The following SUPT4H1 variants were observed in gnomAD, a reference collection of about 807,000 sequenced individuals.
The protein encoded by SUPT4H1 is transcription elongation factor SPT4.
Under a neutral mutation model 19.4 loss-of-function variants are expected in SUPT4H1, and 12 were observed. The ratio of observed to expected loss-of-function variants is 0.62; its 90% CI spans 0.40 to 1.00. The LOEUF is 1.00. Among genes scored for constraint, SUPT4H1 ranks in the 50% least tolerant of loss-of-function variants. The pLI, the probability that SUPT4H1 is intolerant of heterozygous loss-of-function variation, is 0.00. For missense variants in SUPT4H1, 115 were observed against 149.2 expected (o/e 0.77, Z 1.19); for synonymous variants, 58 against 56.3 (o/e 1.03, Z -0.14).
Position 58,350,773 on chromosome 17 carries a change from T to C in SUPT4H1, c.176+629A>G, listed in dbSNP as rs931521894. Among the ~76,000 whole-genome samples the C allele has an allele frequency of 2.7e-5, 4 of 146,310 alleles. No homozygotes were observed. In the Admixed American group the frequency reaches 2.8e-4, roughly 10 times the overall value. ...ATTGCTTGAACCCAGGAGGCAGAGG[T>C]TGCAGTGAGCCGAGACTGCACCATT... On this transcript the variant is annotated intron_variant, in intron 2 of 4. Transcript: ENST00000225504.
At chr17:58,350,956 A>G (rs918750145) in intron 2 of SUPT4H1, among the ~76,000 whole-genome samples, 2 of 151,892 alleles carry the variant, frequency 1.3e-5, no homozygotes, top group African/African-American at 4.8e-5. Flanking sequence ...TTAAGATTAC[A>G]TTCTTTCTTC....
At chr17:58,352,007 C>A (rs963909501) in intron 1 of SUPT4H1, 60 bp downstream of exon 1, 8 of 1,571,094 alleles carry the variant, frequency 5.1e-6, no homozygotes, top group Admixed American at 1.7e-5. Flanking sequence ...AGCCCCATTC[C>A]GCCCTCTTTC....
intron 2 of SUPT4H1, among the ~76,000 whole-genome samples, chr17:58,350,283 G>A (rs1398576479): frequency 2.0e-5 from 3 of 151,944 alleles, no homozygotes; most frequent in African/African-American, 7.3e-5. Flanking sequence ...GGAGGCCGAG[G>A]CGGGTGGATC....
At position 58,345,183 on chromosome 17, in the gene SUPT4H1, C is replaced by CA. The variant is rs1456378513; in HGVS notation, c.*1062dup. 1.3e-5 allele frequency: 2 copies of CA among 152,148 alleles called. No homozygotes were observed. Among genetic ancestry groups the CA allele is most frequent in the Non-Finnish European group, 2.9e-5 (2 of 68,036 alleles). 9.4% of individuals were successfully genotyped at this position (152,148 alleles called of 1,614,324 possible). The stretch of plus-strand genomic sequence containing the variant: ...TTGAAAAATGGCCCAAAAAGGAGAG[C>CA]AAAAGTATTTCACCTTTATAATACT... On this transcript the variant is annotated 3_prime_UTR_variant, in exon 5 of 5. Transcript: ENST00000225504.
chr17:58,346,089 A>G lies in SUPT4H1; in HGVS notation c.*157T>C. On this transcript the variant is annotated 3_prime_UTR_variant, in exon 5 of 5. Coordinates refer to ENST00000225504, the MANE Select transcript of SUPT4H1 (RefSeq NM_003168.3). ...TCCCACCCCACCTGTAGTCCAAAGAAGATAAAATGATAAAATGATGTGCTG... is the reference window on the plus strand; with the variant it reads ...TCCCACCCCACCTGTAGTCCAAAGAGGATAAAATGATAAAATGATGTGCTG... 1 of 626,690 alleles carries G rather than the reference A, an allele frequency of 1.6e-6. No individual in the cohort carries two copies. Among genetic ancestry groups the G allele is most frequent in the Middle Eastern group, 4.5e-4 (1 of 2,240 alleles). 38.8% of individuals were successfully genotyped at this position (626,690 alleles called of 1,614,324 possible).
intron 2 of SUPT4H1, among the ~76,000 whole-genome samples, chr17:58,349,775 AAGC>A (rs1972420573): frequency 1.3e-5 from 2 of 152,106 alleles, no homozygotes; most frequent in Admixed American, 1.3e-4. Context: ...TTGGTGAAAG[AAGC>A]TAAAAAATGC....
In SUPT4H1 at chr17:58,345,368, G is replaced by C. The variant is rs1598107248; in HGVS notation, c.*878C>G. The C allele has an allele frequency of 6.6e-6, 1 of 151,982 alleles. No individual in the cohort carries two copies. The highest frequency in any genetic ancestry group is 1.5e-5 in the Non-Finnish European group (1 of 67,998). The allele number at this position is 151,982 out of a possible 1,614,324, so 9.4% of individuals were successfully genotyped here. A position where few individuals can be genotyped will look rare whatever the true frequency, so the allele number is the denominator to read the frequency against. ...TGTGGAAATTTAAATGAGAATTTGT[G>C]GTAAATTTTTTTATCCTAAAACAAC... On this transcript the variant is annotated 3_prime_UTR_variant, in exon 5 of 5. Coordinates refer to ENST00000225504, the MANE Select transcript of SUPT4H1 (RefSeq NM_003168.3).
rs1342159692 is a variant in SUPT4H1, at chr17:58,347,599, G to A, written c.177-15C>T. 6.2e-7 allele frequency: 1 copy of A among 1,614,088 alleles called. No individual in the cohort carries two copies. Among genetic ancestry groups the A allele is most frequent in the South Asian group, 1.1e-5 (1 of 91,088 alleles). ...TCGCAATGATTCTAGGGAGGGAAAA[G>A]AAATGGAGAGTCAGCCTGAGCCTCC... On this transcript the variant is annotated splice_polypyrimidine_tract_variant and intron_variant, in intron 2 of 4. Transcript: ENST00000225504.
At chr17:58,351,585 AC>A (rs749036421) in intron 1 of SUPT4H1, 77 bp from the exon 2 acceptor site, 46 of 960,582 alleles carry the variant, frequency 4.8e-5, no homozygotes, top group Non-Finnish European at 6.8e-5. Flanking sequence ...CTTTCTCAAT[AC>A]TTCGACCTGC....
intron 3 of SUPT4H1, 137 bp downstream of exon 3, chr17:58,347,392 C>G: frequency 1.5e-6 from 2 of 1,335,678 alleles, no homozygotes; most frequent in Non-Finnish European, 2.2e-6. Context: ...GCACAGGACA[C>G]TGCTTCCCTG....
chr17:58,349,542 C>T (rs1972410724), intron 2 of SUPT4H1, among the ~76,000 whole-genome samples: 1 of 152,138 alleles, frequency 6.6e-6, no homozygotes, highest in Admixed American at 6.5e-5. Context: ...TGCATCTGTA[C>T]TGAAAATAAT....
At chr17:58,346,345 T>C in intron 4 of SUPT4H1, 32 bp from the exon 5 acceptor site, 1 of 1,607,300 alleles carries the variant, frequency 6.2e-7, no homozygotes, top group Non-Finnish European at 8.5e-7. Flanking sequence ...TTCTGTGAGG[T>C]AAGATTCAGA....
At chr17:58,351,781 A>G in intron 1 of SUPT4H1, 2 of 569,716 alleles carry the variant, frequency 3.5e-6, no homozygotes, top group East Asian at 5.9e-5. Context: ...TCAGCAGCGG[A>G]TCCCCACCCG....
intron 2 of SUPT4H1, among the ~76,000 whole-genome samples, chr17:58,348,390 A>G (rs947146212): frequency 1.3e-5 from 2 of 152,092 alleles, no homozygotes; most frequent in Admixed American, 6.5e-5. Flanking sequence ...TTGGATTCTT[A>G]TTTGAGAAGA....
At chr17:58,351,127 A>C (rs1972497428) in intron 2 of SUPT4H1, among the ~76,000 whole-genome samples, 1 of 152,016 alleles carries the variant, frequency 6.6e-6, no homozygotes, top group Admixed American at 6.6e-5. Context: ...GAGGCTGGAC[A>C]CAGTGGCTTA....
chr17:58,345,987 G>C lies in SUPT4H1; in HGVS notation c.*259C>G. The C allele has an allele frequency of 2.3e-6, 1 of 442,792 alleles. No individual in the cohort carries two copies. The highest frequency in any genetic ancestry group is 4.4e-5 in the East Asian group (1 of 22,860). The allele number at this position is 442,792 out of a possible 1,614,324, so 27.4% of individuals were successfully genotyped here. On this transcript the variant is annotated 3_prime_UTR_variant, in exon 5 of 5. Transcript: ENST00000225504. ...GAGTCCTTGGCATGGGGAAGGCACA[G>C]ACCTGGGCCACGGGTAGGAAAATCA... is the stretch of plus-strand genomic sequence containing the variant.
At position 58,347,201 on chromosome 17, in the gene SUPT4H1, A is replaced by G. The variant is rs773909301; in HGVS notation, c.273T>C (p.Gly91=). 6.2e-7 allele frequency: 1 copy of G among 1,614,188 alleles called. No individual in the cohort carries two copies. Among genetic ancestry groups the G allele is most frequent in the South Asian group, 1.1e-5 (1 of 91,090 alleles). ...GATTATTATTACCTTGGGGCAGGCGACCAGTGACTGACACCGCATATACAC... is the reference window on the plus strand; with the variant it reads ...GATTATTATTACCTTGGGGCAGGCGGCCAGTGACTGACACCGCATATACAC... ...KPGVYAVSVT[G]RLPQGIVREL... Residue 91 remains glycine (G), a synonymous_variant, in exon 4 of 5, where the codon GGT becomes GGC. Transcript: ENST00000225504.
chr17:58,349,585 C>A (rs763501122), intron 2 of SUPT4H1, among the ~76,000 whole-genome samples: 3 of 152,150 alleles, frequency 2.0e-5, no homozygotes, highest in African/African-American at 7.2e-5. Context: ...TATTTGTATA[C>A]CAATGTTCAC....
rs1567868025 is a variant in SUPT4H1 at position 58,352,151 on chromosome 17, G to A, written c.-16C>T. Reference sequence around the variant, plus strand: ...CCAGGGCCATCTTCGCCGATGGGAAGAACAACAGGGAGATAGACGACCACA... The same window carrying A: ...CCAGGGCCATCTTCGCCGATGGGAAAAACAACAGGGAGATAGACGACCACA... On this transcript the variant is annotated 5_prime_UTR_variant, in exon 1 of 5. Transcript: ENST00000225504. The A allele has an allele frequency of 1.9e-6, 3 of 1,613,798 alleles. No homozygotes were observed. Among genetic ancestry groups the A allele is most frequent in the African/African-American group, 1.3e-5 (1 of 75,044 alleles).
Sources: allele counts gnomAD v4.1 joint callset (sites outside exome capture counted in the v4.1 genomes callset), GRCh38; gene constraint gnomAD v4.1.1; transcripts MANE v1.5; gene names NCBI Gene and HGNC (gene_info 2026-07-23, HGNC 2026-07-21).